AGAP1: variants seen among roughly 807,000 people sequenced by gnomAD.
AGAP1 encodes the protein arf-GAP with GTPase, ANK repeat and PH domain-containing protein 1.
Under a neutral mutation model 105.3 loss-of-function variants are expected in AGAP1, and 29 were observed. That is an observed-to-expected ratio of 0.28 (90% CI 0.21 to 0.38). The LOEUF is 0.38. AGAP1 is among the 10% of genes least tolerant of loss of function. The pLI, the probability that AGAP1 is intolerant of heterozygous loss-of-function variation, is 1.00. For missense variants in AGAP1, 998 were observed against 1,165.1 expected (o/e 0.86, Z 2.09); for synonymous variants, 509 against 485.9 (o/e 1.05, Z -0.63).
In AGAP1 at chr2:235,692,084, A is replaced by G. The variant is rs1317902389; in HGVS notation, c.164-17095A>G. 6.6e-6 allele frequency among the ~76,000 whole-genome samples: 1 copy of G among 152,224 alleles called. No homozygotes were observed. The highest frequency in any genetic ancestry group is 6.5e-5 in the Admixed American group (1 of 15,290). On this transcript the variant is annotated intron_variant, in intron 1 of 17. Coordinates refer to ENST00000304032, the MANE Select transcript of AGAP1 (RefSeq NM_001037131.3). The surrounding 1 kb of genome is among the most constrained non-coding windows in gnomAD (Gnocchi z 5.8). ...TAAACCAAGTAAACAAAATAAATTC[A>G]GACCCCAAGTGCGCATATTGAGTTT... is the stretch of plus-strand genomic sequence containing the variant.
intron 1 of AGAP1, among the ~76,000 whole-genome samples, chr2:235,677,640 A>AT (rs1326309758): frequency 6.6e-6 from 1 of 151,394 alleles, no homozygotes; most frequent in Middle Eastern, 3.2e-3. Context: ...GTGGATGTTC[A>AT]TTTGCTTGAG....
intron 16 of AGAP1, among the ~76,000 whole-genome samples, chr2:236,107,768 C>T (rs923042855): frequency 2.0e-5 from 3 of 152,232 alleles, no homozygotes; most frequent in East Asian, 1.9e-4. Context: ...GGCACATCCT[C>T]GCTCTCCTGG....
intron 16 of AGAP1, among the ~76,000 whole-genome samples, chr2:236,102,464 T>C (rs1433934437): frequency 7.0e-6 from 1 of 143,678 alleles, no homozygotes; most frequent in East Asian, 2.0e-4. Flanking sequence ...GGCTCATGCC[T>C]GTAATCCCAG....
intron 1 of AGAP1, among the ~76,000 whole-genome samples, chr2:235,695,761 C>A (rs1298641493): frequency 6.6e-6 from 1 of 152,170 alleles, no homozygotes. Flanking sequence ...CACAAAGAAA[C>A]CATGCGTATT....
rs1455779708 is a variant in AGAP1 at position 235,494,763 on chromosome 2, A to G, written c.77A>G (p.Asn26Ser). Residue 26 changes from asparagine to serine, a missense_variant, in exon 1 of 18, where the codon AAC becomes AGC. Physicochemically the swap from Asn to Ser is conservative, Grantham distance 46 (BLOSUM62 1). This residue lies in a region of AGAP1 where 735 missense variants were observed against 833.4 expected (regional missense o/e 0.88). Coordinates refer to ENST00000304032, the MANE Select transcript of AGAP1 (RefSeq NM_001037131.3). ...EIQRFESVHP[N>S]IYSIYELLER... is the part of the protein sequence containing the mutation. ...CAGCGCTTCGAGTCGGTCCACCCCA[A>G]CATCTACTCCATCTACGAGCTGCTG... is the stretch of plus-strand genomic sequence containing the variant. 2 of 1,576,818 alleles carry G rather than the reference A, an allele frequency of 1.3e-6. No homozygotes were observed. The highest frequency in any genetic ancestry group is 1.7e-6 in the Non-Finnish European group (2 of 1,161,954).
chr2:235,797,979 C>A (rs1030734525), intron 7 of AGAP1, 93 bp downstream of exon 7: 3 of 1,310,552 alleles, frequency 2.3e-6, no homozygotes. Flanking sequence ...TTTTTTTTTT[C>A]TTTTCAACTT....
chr2:235,792,751 A>G lies in AGAP1; in HGVS notation c.674-5008A>G, dbSNP rs1318154682. 1.3e-5 allele frequency among the ~76,000 whole-genome samples: 2 copies of G among 152,202 alleles called. No individual in the cohort carries two copies. Among genetic ancestry groups the G allele is most frequent in the Non-Finnish European group, 2.9e-5 (2 of 68,028 alleles). ...AGGTCTGAGAGAGGCTAGGAGGCCC[A>G]GGCTGGGCGGCGCGGACTTGAAGGC... On this transcript the variant is annotated intron_variant, in intron 6 of 17. Transcript: ENST00000304032. The surrounding 1 kb of genome is among the most constrained non-coding windows in gnomAD (Gnocchi z 5.3).
chr2:235,511,150 G>A (rs1023960323), intron 1 of AGAP1, among the ~76,000 whole-genome samples: 12 of 152,144 alleles, frequency 7.9e-5, no homozygotes, highest in East Asian at 7.7e-4. Flanking sequence ...CCAAGATCCC[G>A]CAATGCCTGG....
chr2:235,686,836 T>TC (rs1479811896), intron 1 of AGAP1, among the ~76,000 whole-genome samples: 1 of 149,640 alleles, frequency 6.7e-6, no homozygotes, highest in East Asian at 2.0e-4. Flanking sequence ...ATAATTTTTT[T>TC]TTTTTTTTGT....
chr2:235,846,882 C>T (rs990469758), intron 9 of AGAP1, among the ~76,000 whole-genome samples: 2 of 152,198 alleles, frequency 1.3e-5, no homozygotes, highest in Admixed American at 6.5e-5. Flanking sequence ...CCTGCCTTGG[C>T]CTCCCAAAGT....
intron 13 of AGAP1, among the ~76,000 whole-genome samples, chr2:236,026,016 T>C (rs2057040559): frequency 6.6e-6 from 1 of 152,114 alleles, no homozygotes; most frequent in South Asian, 2.1e-4. Context: ...CCCTGCCACC[T>C]CCCATCCCTG....
Position 235,893,270 on chromosome 2 carries a change from CCGTGTCTGTAG to C in AGAP1, c.1155+9826_1155+9836del, listed in dbSNP as rs1210337707. Among the ~76,000 whole-genome samples, 2 of 150,988 alleles carry C rather than the reference CCGTGTCTGTAG, an allele frequency of 1.3e-5. No homozygotes were observed. The highest frequency in any genetic ancestry group is 2.9e-5 in the Non-Finnish European group (2 of 67,844). The stretch of plus-strand genomic sequence containing the variant: ...GTGCCATGTCCATCATAAGGAAGCG[CCGTGTCTGTAG>C]CGTGGGTGTAGCGTGTCTGTGGCGC... On this transcript the variant is annotated intron_variant, in intron 10 of 17. Coordinates refer to ENST00000304032, the MANE Select transcript of AGAP1 (RefSeq NM_001037131.3). The surrounding 1 kb of genome is among the most constrained non-coding windows in gnomAD (Gnocchi z 4.7).
In AGAP1 at chr2:235,958,820, T is replaced by A. The variant is rs1383166237; in HGVS notation, c.1484-9642T>A. ...TTATGCGGACGGAATGTTATTTTAT[T>A]CCCCCTCTAGTCATGCTTGTCAGCT... is the stretch of plus-strand genomic sequence containing the variant. On this transcript the variant is annotated intron_variant, in intron 12 of 17. Transcript: ENST00000304032. This position sits in a 1 kb window ranked among gnomAD's most constrained non-coding sequence, Gnocchi z 4.1. Among the ~76,000 whole-genome samples, 1 of 152,188 alleles carries A rather than the reference T, an allele frequency of 6.6e-6. No homozygotes were observed. The highest frequency in any genetic ancestry group is 1.5e-5 in the Non-Finnish European group (1 of 68,034).
At chr2:235,798,729 G>T (rs1443235325) in intron 7 of AGAP1, among the ~76,000 whole-genome samples, 1 of 151,994 alleles carries the variant, frequency 6.6e-6, no homozygotes, top group Non-Finnish European at 1.5e-5. Flanking sequence ...ACAAAAAAGA[G>T]AAAAATTAGC....
Position 235,968,641 on chromosome 2 carries a change from C to G in AGAP1, c.1645+18C>G. Reference sequence around the variant, plus strand: ...TGCTGAAGGTAAGGGTTCCGCGGTGCCCCGGGAGAGAGTCTCCACTGCGGA... The same window carrying G: ...TGCTGAAGGTAAGGGTTCCGCGGTGGCCCGGGAGAGAGTCTCCACTGCGGA... On this transcript the variant is annotated intron_variant, in intron 13 of 17. Transcript: ENST00000304032. 3 of 1,593,264 alleles carry G rather than the reference C, an allele frequency of 1.9e-6. No homozygotes were observed. In the South Asian group the frequency reaches 3.4e-5, roughly 18 times the overall value.
Position 236,120,742 on chromosome 2 carries a change from G to A in AGAP1, c.2370+295G>A, listed in dbSNP as rs1048049303. Among the ~76,000 whole-genome samples, 6 of 152,136 alleles carry A rather than the reference G, an allele frequency of 3.9e-5. No individual in the cohort carries two copies. Among genetic ancestry groups the A allele is most frequent in the Non-Finnish European group, 5.9e-5 (4 of 68,034 alleles). On this transcript the variant is annotated intron_variant, in intron 17 of 17. Transcript: ENST00000304032. The surrounding 1 kb of genome is among the most constrained non-coding windows in gnomAD (Gnocchi z 6.0). ...TTCCATCATCTTCTGGAGAGAAGGC[G>A]GTGTATTAACGGGATGGCTTGTAGG...
At position 235,970,115 on chromosome 2, in the gene AGAP1, T is replaced by G. The variant is rs868569821; in HGVS notation, c.1645+1492T>G. Among the ~76,000 whole-genome samples, 1 of 150,240 alleles carries G rather than the reference T, an allele frequency of 6.7e-6. No homozygotes were observed. The highest frequency in any genetic ancestry group is 1.5e-5 in the Non-Finnish European group (1 of 67,786). ...TACCTGAGAGGCTGAGGCAGGAGCATTGATTGAACCCAGGAGGTGGAGGTT... is the reference window on the plus strand; with the variant it reads ...TACCTGAGAGGCTGAGGCAGGAGCAGTGATTGAACCCAGGAGGTGGAGGTT... On this transcript the variant is annotated intron_variant, in intron 13 of 17. Coordinates refer to ENST00000304032, the MANE Select transcript of AGAP1 (RefSeq NM_001037131.3). This position sits in a 1 kb window ranked among gnomAD's most constrained non-coding sequence, Gnocchi z 5.4.
rs1032648989 is a variant in AGAP1 at position 235,599,682 on chromosome 2, C to T, written c.163+104833C>T. ...CATCCTTCAGAGGAATCCTGCAGTC[C>T]ACTTGCCCAGCGTCACTTCCTCCAG... On this transcript the variant is annotated intron_variant, in intron 1 of 17. Transcript: ENST00000304032. This position sits in a 1 kb window ranked among gnomAD's most constrained non-coding sequence, Gnocchi z 5.3. 1.3e-5 allele frequency among the ~76,000 whole-genome samples: 2 copies of T among 152,136 alleles called. No individual in the cohort carries two copies. The highest frequency in any genetic ancestry group is 4.8e-5 in the African/African-American group (2 of 41,438).
intron 1 of AGAP1, among the ~76,000 whole-genome samples, chr2:235,528,928 G>A (rs144714495): frequency 2.5e-3 from 380 of 152,214 alleles, no homozygotes; most frequent in African/African-American, 8.5e-3. Flanking sequence ...AGCTCACCTC[G>A]GCTTCCCAAA....
Sources: allele counts gnomAD v4.1 joint callset (sites outside exome capture counted in the v4.1 genomes callset), GRCh38; gene constraint gnomAD v4.1.1; regional missense constraint gnomAD v4.1.1; non-coding constraint Gnocchi (gnomAD v3.1); transcripts MANE v1.5; gene names NCBI Gene and HGNC (gene_info 2026-07-23, HGNC 2026-07-21).